The following KCNQ1OT1 variants were observed in gnomAD, a reference collection of about 807,000 sequenced individuals.
KCNQ1OT1 encodes the protein KCNQ1 opposite strand/antisense transcript 1, also known as KCNQ1 antisense RNA 2 (non-protein coding).
rs1849594998 is a variant in KCNQ1OT1 at position 2,642,494 on chromosome 11, G to GT, written n.57500dup. ...ATCAGACTGAAGAGTTTTGATTTTTGTATTTCATGGTATGAGTTGTAATAT... is the reference window on the plus strand; with the variant it reads ...ATCAGACTGAAGAGTTTTGATTTTTGTTATTTCATGGTATGAGTTGTAATAT... On this transcript the variant is annotated non_coding_transcript_exon_variant, in exon 1 of 1. Transcript: ENST00000597346. The surrounding 1 kb of genome is among the most constrained non-coding windows in gnomAD (Gnocchi z 4.3). 2.5e-6 allele frequency: 1 copy of GT among 397,874 alleles called. No homozygotes were observed. Among genetic ancestry groups the GT allele is most frequent in the Middle Eastern group, 6.3e-4 (1 of 1,580 alleles). 24.6% of individuals were successfully genotyped at this position (397,874 alleles called of 1,614,324 possible). A position where few individuals can be genotyped will look rare whatever the true frequency, so the allele number is the denominator to read the frequency against.
chr11:2,676,872 C>G lies in KCNQ1OT1; in HGVS notation n.23123G>C. On this transcript the variant is annotated non_coding_transcript_exon_variant, in exon 1 of 1. Transcript: ENST00000597346. The surrounding 1 kb of genome is among the most constrained non-coding windows in gnomAD (Gnocchi z 4.2). ...GTCAGCTTTGACTGGGGAGCCCTTT[C>G]ATTTCTTAGTAAGTGTTCAGCCCCA... 2.5e-6 allele frequency: 1 copy of G among 398,614 alleles called. No homozygotes were observed. The highest frequency in any genetic ancestry group is 4.4e-6 in the Non-Finnish European group (1 of 226,048). 24.7% of individuals were successfully genotyped at this position (398,614 alleles called of 1,614,324 possible).
chr11:2,637,606 A>C (rs1849495533), exon 1 of KCNQ1OT1: 1 of 152,158 alleles, frequency 6.6e-6, no homozygotes, highest in Admixed American at 6.5e-5. Context: ...ACTTCCAATT[A>C]TGTGGTCAAT....
exon 1 of KCNQ1OT1, chr11:2,648,836 G>T: frequency 2.5e-6 from 1 of 398,390 alleles, no homozygotes; most frequent in Non-Finnish European, 4.4e-6. Flanking sequence ...TTGTATTGGG[G>T]TCTATCTCTT....
In KCNQ1OT1 at chr11:2,669,606, T is replaced by C; in HGVS notation, n.30389A>G. On this transcript the variant is annotated non_coding_transcript_exon_variant, in exon 1 of 1. Coordinates refer to ENST00000597346, the Ensembl canonical transcript of KCNQ1OT1. The surrounding 1 kb of genome is among the most constrained non-coding windows in gnomAD (Gnocchi z 5.6). Reference sequence around the variant, plus strand: ...TCCTGCCCACAGGACACTGGGGCAGTCACCTAATCTCTATCAGCCTCAGTT... The same window carrying C: ...TCCTGCCCACAGGACACTGGGGCAGCCACCTAATCTCTATCAGCCTCAGTT... 5.0e-6 allele frequency: 2 copies of C among 398,642 alleles called. No homozygotes were observed. The allele number at this position is 398,642 out of a possible 1,614,324, so 24.7% of individuals were successfully genotyped here.
exon 1 of KCNQ1OT1, chr11:2,634,984 TGA>T (rs996534865): frequency 2.6e-5 from 4 of 152,274 alleles, no homozygotes; most frequent in African/African-American, 9.6e-5. Flanking sequence ...TGTCTTCTTT[TGA>T]GAAGTGTCTG....
chr11:2,699,706 C>A, exon 1 of KCNQ1OT1: 1 of 221,110 alleles, frequency 4.5e-6, no homozygotes, highest in Admixed American at 1.0e-4. Context: ...CCGAGGAGAA[C>A]GGCGCCGAGG....
rs1463892885 is a variant in KCNQ1OT1 at position 2,617,934 on chromosome 11, T to C, written n.82061A>G. The C allele has an allele frequency of 1.5e-5, 6 of 398,466 alleles. No homozygotes were observed. The highest frequency in any genetic ancestry group is 3.6e-5 in the East Asian group (1 of 28,086). The allele number at this position is 398,466 out of a possible 1,614,324, so 24.7% of individuals were successfully genotyped here. A position where few individuals can be genotyped will look rare whatever the true frequency, so the allele number is the denominator to read the frequency against. ...CATTCCTTATAAATTTTGGATATTA[T>C]CCTCTTATAAGATATATGGTTGGCA... On this transcript the variant is annotated non_coding_transcript_exon_variant, in exon 1 of 1. Coordinates refer to ENST00000597346, the Ensembl canonical transcript of KCNQ1OT1. This position sits in a 1 kb window ranked among gnomAD's most constrained non-coding sequence, Gnocchi z 4.6.
At chr11:2,646,019 C>T (rs934566712) in exon 1 of KCNQ1OT1, 11 of 398,514 alleles carry the variant, frequency 2.8e-5, no homozygotes, top group African/African-American at 2.3e-4. Context: ...TAGGGGCTCA[C>T]TTACTTACCT....
exon 1 of KCNQ1OT1, chr11:2,667,692 G>A (rs968774338): frequency 1.0e-4 from 40 of 398,638 alleles, no homozygotes; most frequent in Non-Finnish European, 1.0e-4. Flanking sequence ...GCACGGAGGT[G>A]ACCTAGTCAG....
chr11:2,697,010 T>C, exon 1 of KCNQ1OT1: 1 of 398,514 alleles, frequency 2.5e-6, no homozygotes, highest in Non-Finnish European at 4.4e-6. Context: ...CAAAGTGTAG[T>C]CTGGGGATTC....
chr11:2,692,087 C>T (rs1190543610), exon 1 of KCNQ1OT1: 3 of 398,674 alleles, frequency 7.5e-6, no homozygotes, highest in Non-Finnish European at 1.3e-5. Flanking sequence ...GTCACCTGCC[C>T]CCACCTCCTC....
exon 1 of KCNQ1OT1, chr11:2,667,369 A>C: frequency 2.5e-6 from 1 of 398,744 alleles, no homozygotes; most frequent in Non-Finnish European, 4.4e-6. Context: ...AGGCCATCCA[A>C]ATCACCCTGC....
chr11:2,699,968 G>T (rs1590040604), exon 1 of KCNQ1OT1: 1 of 398,362 alleles, frequency 2.5e-6, no homozygotes, highest in East Asian at 3.6e-5. Flanking sequence ...CTGGAGGTCC[G>T]TGCTGAGGCG....
exon 1 of KCNQ1OT1, chr11:2,629,595 T>C (rs1348401347): frequency 2.3e-5 from 9 of 398,408 alleles, no homozygotes; most frequent in Non-Finnish European, 4.0e-5. Flanking sequence ...AGAATCCATT[T>C]GCCATTGAAT....
Position 2,663,420 on chromosome 11 carries a change from T to C in KCNQ1OT1, n.36575A>G. ...TGGCTTACACTGTGGCCAAGGCCTG[T>C]ACCAAGTCCTGGATATGATGGACCT... On this transcript the variant is annotated non_coding_transcript_exon_variant, in exon 1 of 1. Transcript: ENST00000597346. The surrounding 1 kb of genome is among the most constrained non-coding windows in gnomAD (Gnocchi z 5.2). The C allele has an allele frequency of 2.5e-6, 1 of 398,834 alleles. No individual in the cohort carries two copies. The highest frequency in any genetic ancestry group is 4.4e-6 in the Non-Finnish European group (1 of 226,218). The allele number at this position is 398,834 out of a possible 1,614,324, so 24.7% of individuals were successfully genotyped here. A position where few individuals can be genotyped will look rare whatever the true frequency, so the allele number is the denominator to read the frequency against.
At position 2,634,612 on chromosome 11, in the gene KCNQ1OT1, C is replaced by T. The variant is rs1369747144; in HGVS notation, n.65383G>A. On this transcript the variant is annotated non_coding_transcript_exon_variant, in exon 1 of 1. Coordinates refer to ENST00000597346, the Ensembl canonical transcript of KCNQ1OT1. The stretch of plus-strand genomic sequence containing the variant: ...CATTTGGGTTGGTTCCAAGTCTTTG[C>T]TATCGTGAATAGTGCTGCAATAAAC... The T allele has an allele frequency of 3.3e-5, 5 of 152,138 alleles. No homozygotes were observed. The East Asian group carries it at 9.6e-4, about 29-fold the overall frequency. The allele number at this position is 152,138 out of a possible 1,614,324, so 9.4% of individuals were successfully genotyped here.
chr11:2,696,721 C>T (rs1850682670), exon 1 of KCNQ1OT1: 1 of 398,414 alleles, frequency 2.5e-6, no homozygotes, highest in African/African-American at 2.1e-5. Flanking sequence ...GAAAGATCTC[C>T]CTCTATATCC....
rs1850169993 is a variant in KCNQ1OT1, at chr11:2,670,778, G to A, written n.29217C>T. 1 of 398,474 alleles carries A rather than the reference G, an allele frequency of 2.5e-6. No homozygotes were observed. The highest frequency in any genetic ancestry group is 4.4e-6 in the Non-Finnish European group (1 of 226,096). 24.7% of individuals were successfully genotyped at this position (398,474 alleles called of 1,614,324 possible). On this transcript the variant is annotated non_coding_transcript_exon_variant, in exon 1 of 1. Transcript: ENST00000597346. This position sits in a 1 kb window ranked among gnomAD's most constrained non-coding sequence, Gnocchi z 4.9. Reference sequence around the variant, plus strand: ...CCAGTGGCTCTTGTGGCTGCCCTCTGCAATAAGAATTCTTCAAGTTCAGCC... The same window carrying A: ...CCAGTGGCTCTTGTGGCTGCCCTCTACAATAAGAATTCTTCAAGTTCAGCC...
At chr11:2,655,521 A>G (rs965976683) in exon 1 of KCNQ1OT1, 12 of 398,562 alleles carry the variant, frequency 3.0e-5, no homozygotes, top group African/African-American at 4.1e-5. Flanking sequence ...CAAGTACACC[A>G]TGGGCTCAAC....
Sources: allele counts gnomAD v4.1 joint callset, GRCh38; gene constraint gnomAD v4.1.1; non-coding constraint Gnocchi (gnomAD v3.1); transcripts MANE v1.5; gene names NCBI Gene and HGNC (gene_info 2026-07-23, HGNC 2026-07-21).